PSD3: variants seen among roughly 807,000 people sequenced by gnomAD.
The protein encoded by PSD3 is pleckstrin and Sec7 domain containing 3, also known as PH and SEC7 domain-containing protein 3.
PSD3 carries 49 observed loss-of-function variants against 105.5 expected under a neutral mutation model. The ratio of observed to expected loss-of-function variants is 0.46; its 90% confidence interval spans 0.37 to 0.59. The LOEUF is 0.59. Ranked by LOEUF, PSD3 falls within the 20% of genes least tolerant of loss-of-function variation. PSD3 has a pLI of 0.00. For synonymous variants in PSD3, 557 were observed against 457.8 expected, an observed-to-expected ratio of 1.22 and a Z score of -2.77; for missense variants, 1,561 against 1,263.8, an observed-to-expected ratio of 1.24 and a Z score of -3.57.
chr8:18,573,736 AG>A (rs1446606556), intron 13 of PSD3, among the ~76,000 whole-genome samples: 2 of 152,182 alleles, frequency 1.3e-5, no homozygotes, highest in African/African-American at 2.4e-5. Context: ...GTGTCCAGAA[AG>A]GGCAATACTG....
At chr8:18,896,355 T>C (rs1819147481) in intron 2 of PSD3, among the ~76,000 whole-genome samples, 1 of 152,248 alleles carries the variant, frequency 6.6e-6, no homozygotes, top group Non-Finnish European at 1.5e-5. Flanking sequence ...TGCTGCATAA[T>C]ATGAGAGCTC....
chr8:18,803,352 AG>A (rs1248605051), intron 6 of PSD3: 2 of 149,424 alleles, frequency 1.3e-5, no homozygotes, highest in East Asian at 2.0e-4. Context: ...GCAAATACTT[AG>A]GAAAAAAATC....
chr8:18,851,724 C>T (rs1297615155), intron 4 of PSD3, among the ~76,000 whole-genome samples: 2 of 152,230 alleles, frequency 1.3e-5, no homozygotes, highest in Non-Finnish European at 1.5e-5. Context: ...CTGGCAAGCC[C>T]GACAGAACTT....
intron 9 of PSD3, among the ~76,000 whole-genome samples, chr8:18,669,496 G>A (rs951847520): frequency 6.6e-6 from 1 of 152,326 alleles, no homozygotes; most frequent in East Asian, 1.9e-4. Context: ...GTGACTTGAA[G>A]GCAAGAACTG....
chr8:18,640,836 G>C (rs949840651), intron 10 of PSD3, among the ~76,000 whole-genome samples: 2 of 152,136 alleles, frequency 1.3e-5, no homozygotes, highest in Non-Finnish European at 2.9e-5. Flanking sequence ...AGAGAAACTC[G>C]ACACTTGCCC....
chr8:18,599,451 A>G (rs963422371), intron 12 of PSD3, among the ~76,000 whole-genome samples: 2 of 152,182 alleles, frequency 1.3e-5, no homozygotes, highest in South Asian at 2.1e-4. Flanking sequence ...CCCCATGTTC[A>G]TTGCGGCATT....
chr8:18,552,590 GATCT>G (rs1800832932), intron 15 of PSD3, among the ~76,000 whole-genome samples: 1 of 152,104 alleles, frequency 6.6e-6, no homozygotes, highest in African/African-American at 2.4e-5. Context: ...CCCAGAACTT[GATCT>G]GTTTCCCAAT....
intron 9 of PSD3, among the ~76,000 whole-genome samples, chr8:18,695,249 T>C (rs1482857446): frequency 1.3e-5 from 2 of 148,204 alleles, no homozygotes; most frequent in African/African-American, 5.0e-5. Context: ...ACAATCTAAA[T>C]GAAATCTTAA....
rs140819834 is a variant in PSD3, at chr8:18,653,452, C to T, written c.2216+2190G>A. Among the ~76,000 whole-genome samples the T allele has an allele frequency of 3.6e-3, 544 of 152,006 alleles. 1 individual carries two copies. The highest frequency in any genetic ancestry group is 0.012 in the African/African-American group (503 of 41,478). Reference sequence around the variant, plus strand: ...CAACTTGCTTTATGTTCAGTGTTTTCAAACATTTCAGTGTCATCCTGAAGG... The same window carrying T: ...CAACTTGCTTTATGTTCAGTGTTTTTAAACATTTCAGTGTCATCCTGAAGG... On this transcript the variant is annotated intron_variant, in intron 10 of 15. Transcript: ENST00000327040.
At chr8:18,973,974 A>C (rs1435876096) in intron 1 of PSD3, among the ~76,000 whole-genome samples, 1 of 152,228 alleles carries the variant, frequency 6.6e-6, no homozygotes, top group Non-Finnish European at 1.5e-5. Flanking sequence ...GTTAAGTAGC[A>C]GGACAGGATC....
intron 12 of PSD3, among the ~76,000 whole-genome samples, chr8:18,578,941 T>C (rs1474372607): frequency 2.0e-5 from 3 of 152,124 alleles, no homozygotes; most frequent in African/African-American, 4.8e-5. Flanking sequence ...TCTATTTAAT[T>C]AGGGCTAAAC....
intron 9 of PSD3, among the ~76,000 whole-genome samples, chr8:18,710,500 G>A (rs192808555): frequency 6.6e-6 from 1 of 152,044 alleles, no homozygotes; most frequent in African/African-American, 2.4e-5. Context: ...GAGAACCACA[G>A]TAAGATACTC....
intron 1 of PSD3, among the ~76,000 whole-genome samples, chr8:19,035,735 A>G (rs759311361): frequency 6.8e-6 from 1 of 147,966 alleles, no homozygotes; most frequent in Non-Finnish European, 1.5e-5. Flanking sequence ...AAATATCCCA[A>G]TGAAAACAGG....
At chr8:18,899,493 C>G (rs1819362484) in intron 2 of PSD3, among the ~76,000 whole-genome samples, 1 of 152,110 alleles carries the variant, frequency 6.6e-6, no homozygotes, top group Admixed American at 6.5e-5. Context: ...GGGTTCTCTT[C>G]CATAGCACTA....
At chr8:18,610,737 A>G (rs1447168330) in intron 11 of PSD3, among the ~76,000 whole-genome samples, 3 of 152,222 alleles carry the variant, frequency 2.0e-5, no homozygotes, top group African/African-American at 7.2e-5. Flanking sequence ...TATTCTATTC[A>G]AAGTGTTCCC....
chr8:18,839,486 C>A (rs772604199), intron 4 of PSD3, among the ~76,000 whole-genome samples: 2 of 152,144 alleles, frequency 1.3e-5, no homozygotes, highest in Admixed American at 6.5e-5. Context: ...CCCACAACTC[C>A]TCAGCTCTTT....
intron 15 of PSD3, among the ~76,000 whole-genome samples, chr8:18,554,688 T>C (rs1248338730): frequency 1.3e-5 from 2 of 152,142 alleles, no homozygotes; most frequent in African/African-American, 2.4e-5. Flanking sequence ...CTTAGGCTCA[T>C]AGTTTTGGGT....
At chr8:18,713,220 G>A (rs548517296) in intron 9 of PSD3, among the ~76,000 whole-genome samples, 19 of 152,184 alleles carry the variant, frequency 1.2e-4, no homozygotes, top group East Asian at 3.9e-4. Flanking sequence ...CTTGAAAACC[G>A]GCACAAGACA....
intron 1 of PSD3, among the ~76,000 whole-genome samples, chr8:19,047,023 T>C (rs1828343652): frequency 6.6e-6 from 1 of 152,170 alleles, no homozygotes; most frequent in African/African-American, 2.4e-5. Context: ...TTCCAGCAAT[T>C]ACATTTATCA....
Sources: allele counts gnomAD v4.1 joint callset (sites outside exome capture counted in the v4.1 genomes callset), GRCh38; gene constraint gnomAD v4.1.1; transcripts MANE v1.5; gene names NCBI Gene and HGNC (gene_info 2026-07-23, HGNC 2026-07-21).